CDH13: variants seen among roughly 807,000 people sequenced by gnomAD.
The protein encoded by CDH13 is cadherin-13.
Under a neutral mutation model 63.8 loss-of-function variants are expected in CDH13, and 24 were observed. The observed-to-expected ratio is 0.38, with a 90% confidence interval of 0.27 to 0.53. The LOEUF is 0.53. Among genes scored for constraint, CDH13 ranks in the 20% least tolerant of loss-of-function variants. CDH13 has a pLI of 0.85. For missense variants in CDH13, 1,049 were observed against 903.1 expected (o/e 1.16, Z -2.07); for synonymous variants, 503 against 355.3 (o/e 1.42, Z -4.67).
At chr16:83,698,013 C>T (rs1905649015) in intron 10 of CDH13, among the ~76,000 whole-genome samples, 1 of 152,242 alleles carries the variant, frequency 6.6e-6, no homozygotes, top group African/African-American at 2.4e-5. Flanking sequence ...CTTGCCTGAA[C>T]ATTCACTACC....
intron 2 of CDH13, among the ~76,000 whole-genome samples, chr16:82,930,011 A>C (rs1379560825): frequency 6.9e-6 from 1 of 145,516 alleles, no homozygotes; most frequent in Admixed American, 6.9e-5. Flanking sequence ...CACTATCATG[A>C]CTTCTAATAA....
chr16:83,503,738 G>A (rs1415593601), intron 7 of CDH13, among the ~76,000 whole-genome samples: 3 of 152,064 alleles, frequency 2.0e-5, no homozygotes, highest in African/African-American at 2.4e-5. Flanking sequence ...TAATGGGGTT[G>A]TTTGTTTTTT....
chr16:83,591,855 C>A (rs773789958), intron 7 of CDH13, among the ~76,000 whole-genome samples: 5 of 152,174 alleles, frequency 3.3e-5, no homozygotes, highest in Non-Finnish European at 4.4e-5. Flanking sequence ...CTGAACAGAA[C>A]CAGAATCAGC....
chr16:83,657,764 G>A (rs1912996162), intron 8 of CDH13, among the ~76,000 whole-genome samples: 1 of 152,200 alleles, frequency 6.6e-6, no homozygotes, highest in Non-Finnish European at 1.5e-5. Flanking sequence ...CCATAGAACA[G>A]CAAGAATTCG....
At chr16:83,375,004 A>G (rs2091435467) in intron 6 of CDH13, among the ~76,000 whole-genome samples, 1 of 152,216 alleles carries the variant, frequency 6.6e-6, no homozygotes, top group Non-Finnish European at 1.5e-5. Context: ...AAAATGATGT[A>G]ATGATATAAT....
At chr16:83,727,445 C>A (rs970203000) in intron 10 of CDH13, among the ~76,000 whole-genome samples, 1 of 151,678 alleles carries the variant, frequency 6.6e-6, no homozygotes, top group African/African-American at 2.4e-5. Flanking sequence ...ACCCTTTGCC[C>A]CATCACCGAG....
intron 1 of CDH13, among the ~76,000 whole-genome samples, chr16:82,835,605 C>G (rs538981638): frequency 5.3e-5 from 8 of 152,184 alleles, no homozygotes; most frequent in Non-Finnish European, 1.2e-4. Context: ...ACGCCAGGGG[C>G]AGTAGGTGCA....
intron 1 of CDH13, chr16:82,639,394 C>G: frequency 6.5e-7 from 1 of 1,535,606 alleles, no homozygotes. Context: ...ATGGTTCCCC[C>G]AGCAAGAACA....
At chr16:83,618,533 T>G (rs1239278172) in intron 8 of CDH13, among the ~76,000 whole-genome samples, 1 of 152,072 alleles carries the variant, frequency 6.6e-6, no homozygotes, top group Non-Finnish European at 1.5e-5. Context: ...CCAACCTCAC[T>G]GTGGCACAAA....
intron 6 of CDH13, among the ~76,000 whole-genome samples, chr16:83,464,448 G>T (rs1452204204): frequency 6.6e-6 from 1 of 152,220 alleles, no homozygotes; most frequent in Non-Finnish European, 1.5e-5. Flanking sequence ...GGAGGTGGAG[G>T]TTGCAGTGAG....
At chr16:82,655,509 G>T (rs1276342596) in intron 1 of CDH13, among the ~76,000 whole-genome samples, 2 of 152,162 alleles carry the variant, frequency 1.3e-5, no homozygotes, top group African/African-American at 4.8e-5. Context: ...GGGTCCAAGA[G>T]TAGGAGATGA....
chr16:82,757,009 C>T lies in CDH13; in HGVS notation c.46-101353C>T, dbSNP rs1198856979. 2.0e-5 allele frequency among the ~76,000 whole-genome samples: 3 copies of T among 152,284 alleles called. No individual in the cohort carries two copies. In the East Asian group the frequency reaches 5.8e-4, roughly 29 times the overall value. On this transcript the variant is annotated intron_variant, in intron 1 of 13. Coordinates refer to ENST00000567109, the MANE Select transcript of CDH13 (RefSeq NM_001257.5). ...TTGACGACTGACCTTTCCTTTTCCTCTTTCTTTGCCTGGCAAACTGTTACT... is the reference window on the plus strand; with the variant it reads ...TTGACGACTGACCTTTCCTTTTCCTTTTTCTTTGCCTGGCAAACTGTTACT...
At chr16:83,289,965 A>AT (rs2151864532) in intron 5 of CDH13, among the ~76,000 whole-genome samples, 1 of 152,290 alleles carries the variant, frequency 6.6e-6, no homozygotes, top group South Asian at 2.1e-4. Context: ...TCTTCCTCTT[A>AT]TAGCCCCTTC....
chr16:83,000,502 G>A (rs1252183114), intron 2 of CDH13, among the ~76,000 whole-genome samples: 3 of 149,946 alleles, frequency 2.0e-5, no homozygotes, highest in Non-Finnish European at 4.4e-5. Flanking sequence ...CTCACCTTGG[G>A]CTCCCAAAGT....
intron 3 of CDH13, among the ~76,000 whole-genome samples, chr16:83,083,764 C>T (rs764486619): frequency 6.6e-6 from 1 of 152,216 alleles, no homozygotes; most frequent in Non-Finnish European, 1.5e-5. Flanking sequence ...TTACTCTTAG[C>T]AGCTCACTAG....
chr16:82,714,327 A>T (rs2032189783), intron 1 of CDH13, among the ~76,000 whole-genome samples: 1 of 151,916 alleles, frequency 6.6e-6, no homozygotes, highest in African/African-American at 2.4e-5. Flanking sequence ...TGTAAATGTA[A>T]CACTATTTGG....
intron 2 of CDH13, among the ~76,000 whole-genome samples, chr16:83,012,034 C>A (rs920740253): frequency 6.6e-6 from 1 of 152,058 alleles, no homozygotes; most frequent in African/African-American, 2.4e-5. Flanking sequence ...CTTTCCCCAG[C>A]CCAGGACTAG....
intron 7 of CDH13, among the ~76,000 whole-genome samples, chr16:83,563,361 C>T (rs1338129272): frequency 1.3e-5 from 2 of 152,176 alleles, no homozygotes; most frequent in Non-Finnish European, 2.9e-5. Context: ...CATTTATTCA[C>T]TTCAAACACA....
At chr16:83,234,144 G>T (rs947289427) in intron 5 of CDH13, among the ~76,000 whole-genome samples, 1 of 152,206 alleles carries the variant, frequency 6.6e-6, no homozygotes, top group African/African-American at 2.4e-5. Flanking sequence ...TGCTCTGAAA[G>T]CTCATAGGCA....
Sources: allele counts gnomAD v4.1 joint callset (sites outside exome capture counted in the v4.1 genomes callset), GRCh38; gene constraint gnomAD v4.1.1; transcripts MANE v1.5; gene names NCBI Gene and HGNC (gene_info 2026-07-23, HGNC 2026-07-21).